Variants in ROR1 observed in about 807,000 individuals in gnomAD.
ROR1 encodes the protein inactive tyrosine-protein kinase transmembrane receptor ROR1.
ROR1 carries 19 observed loss-of-function variants against 78.8 expected under a neutral mutation model. The ratio of observed to expected loss-of-function variants is 0.24; its 90% CI spans 0.17 to 0.35. ROR1 has a LOEUF of 0.35. Among genes scored for constraint, ROR1 ranks in the 10% least tolerant of loss-of-function variants. The probability of loss-of-function intolerance (pLI) is 1.00; values close to 1 mark genes in which losing one functional copy is unlikely to be tolerated. For synonymous variants in ROR1, 386 were observed against 433.6 expected, an observed-to-expected ratio of 0.89 and a Z score of 1.36; for missense variants, 917 against 1,177.8, an observed-to-expected ratio of 0.78 and a Z score of 3.24.
chr1:64,054,489 C>T (rs2100597458), intron 4 of ROR1, among the ~76,000 whole-genome samples: 1 of 152,252 alleles, frequency 6.6e-6, no homozygotes, highest in Non-Finnish European at 1.5e-5. Flanking sequence ...AAACTTCACT[C>T]CCTGGAGCCA....
intron 1 of ROR1, among the ~76,000 whole-genome samples, chr1:63,798,722 C>A (rs1253774447): frequency 7.2e-5 from 11 of 152,214 alleles, no homozygotes; most frequent in Non-Finnish European, 2.9e-5. Flanking sequence ...CAGAGATGAA[C>A]CATTATTCCA....
At chr1:64,127,377 A>G (rs562022621) in intron 4 of ROR1, among the ~76,000 whole-genome samples, 1 of 152,256 alleles carries the variant, frequency 6.6e-6, no homozygotes, top group South Asian at 2.1e-4. Context: ...TTCCTGGTAC[A>G]AGGTAGGCGT....
chr1:63,832,934 C>T (rs1314396469), intron 1 of ROR1, among the ~76,000 whole-genome samples: 3 of 152,198 alleles, frequency 2.0e-5, no homozygotes, highest in South Asian at 4.1e-4. Flanking sequence ...GCCATTACAA[C>T]TTTCTGTCCA....
chr1:63,965,369 G>T (rs1646065415), intron 1 of ROR1, among the ~76,000 whole-genome samples: 1 of 152,170 alleles, frequency 6.6e-6, no homozygotes, highest in Non-Finnish European at 1.5e-5. Context: ...GGCAAAAGTT[G>T]CCAGTACTAA....
intron 2 of ROR1, among the ~76,000 whole-genome samples, chr1:64,025,390 G>T (rs952150249): frequency 6.6e-6 from 1 of 152,140 alleles, no homozygotes; most frequent in East Asian, 1.9e-4. Context: ...GGAAAAAACA[G>T]CATGGAGATT....
At chr1:63,861,807 A>C (rs1645183899) in intron 1 of ROR1, among the ~76,000 whole-genome samples, 1 of 152,202 alleles carries the variant, frequency 6.6e-6, no homozygotes, top group Non-Finnish European at 1.5e-5. Flanking sequence ...GGAAGTCTTG[A>C]AAGATAAATG....
intron 1 of ROR1, among the ~76,000 whole-genome samples, chr1:63,941,423 G>T (rs148318809): frequency 2.6e-5 from 4 of 152,118 alleles, no homozygotes; most frequent in African/African-American, 9.7e-5. Context: ...TTACTCTGGC[G>T]TTGTCTGGAT....
intron 1 of ROR1, among the ~76,000 whole-genome samples, chr1:63,847,663 A>G (rs1338309399): frequency 6.6e-6 from 1 of 152,220 alleles, no homozygotes; most frequent in Non-Finnish European, 1.5e-5. Context: ...ACACTTTAGC[A>G]ACTTGATAAT....
chr1:64,066,083 A>G (rs1646953441), intron 4 of ROR1, among the ~76,000 whole-genome samples: 1 of 152,136 alleles, frequency 6.6e-6, no homozygotes, highest in Admixed American at 6.5e-5. Flanking sequence ...ACAAATGTCT[A>G]TTACTTCAGT....
chr1:63,833,595 G>C (rs914984543), intron 1 of ROR1, among the ~76,000 whole-genome samples: 1 of 152,116 alleles, frequency 6.6e-6, no homozygotes, highest in African/African-American at 2.4e-5. Flanking sequence ...CTGATTGGCT[G>C]CTCTGGGAGG....
intron 1 of ROR1, among the ~76,000 whole-genome samples, chr1:63,978,524 T>C (rs949952442): frequency 4.6e-5 from 7 of 152,224 alleles, no homozygotes; most frequent in African/African-American, 1.7e-4. Flanking sequence ...AATTCCCAAA[T>C]ATAGTGGGCA....
At chr1:63,963,597 A>C (rs904772013) in intron 1 of ROR1, among the ~76,000 whole-genome samples, 4 of 151,464 alleles carry the variant, frequency 2.6e-5, no homozygotes, top group African/African-American at 9.7e-5. Flanking sequence ...AAAAAAAAAA[A>C]CAAAACAAAA....
At chr1:64,139,292 C>A (rs968041778) in intron 5 of ROR1, among the ~76,000 whole-genome samples, 2 of 147,884 alleles carry the variant, frequency 1.4e-5, no homozygotes, top group Admixed American at 6.7e-5. Context: ...TTTTTAAATT[C>A]ATTTACCTTT....
At chr1:64,156,423 G>A (rs552024804) in intron 7 of ROR1, among the ~76,000 whole-genome samples, 1 of 152,256 alleles carries the variant, frequency 6.6e-6, no homozygotes, top group African/African-American at 2.4e-5. Flanking sequence ...ATATTTACCT[G>A]TAACAGTGTA....
chr1:63,866,059 A>G (rs1645213677), intron 1 of ROR1, among the ~76,000 whole-genome samples: 1 of 152,166 alleles, frequency 6.6e-6, no homozygotes, highest in Admixed American at 6.5e-5. Flanking sequence ...AGAGAGGGGC[A>G]GAGAGGTTAC....
rs760355948 is a variant in ROR1, at chr1:64,178,769, T to C, written c.2728T>C (p.Tyr910His). The change falls in exon 9 of 9, where the codon TAC (tyrosine) becomes CAC (histidine). Residue 910 changes from tyrosine (Y) to histidine (H), a missense_variant. Physicochemically the swap from Tyr to His is moderately conservative, Grantham distance 83 (BLOSUM62 2). Coordinates refer to ENST00000371079, the MANE Select transcript of ROR1 (RefSeq NM_005012.4). The surrounding 1 kb of genome is among the most constrained non-coding windows in gnomAD (Gnocchi z 4.3). The stretch of plus-strand genomic sequence containing the variant: ...TTTTGGCAACAAATCTCAAAAACCC[T>C]ACAAAATTGACTCAAAGCAAGCATC... ...TVFGNKSQKPYKIDSKQASLL... is the reference protein window; with the variant it reads ...TVFGNKSQKPHKIDSKQASLL... The C allele has an allele frequency of 6.2e-7, 1 of 1,614,114 alleles. No individual in the cohort carries two copies. The highest frequency in any genetic ancestry group is 8.5e-7 in the Non-Finnish European group (1 of 1,180,016).
intron 1 of ROR1, among the ~76,000 whole-genome samples, chr1:63,941,224 T>C (rs116668974): frequency 1.9e-3 from 282 of 152,308 alleles, no homozygotes; most frequent in African/African-American, 6.6e-3. Context: ...GGATTAGATA[T>C]ATATAAATAT....
intron 4 of ROR1, among the ~76,000 whole-genome samples, chr1:64,086,269 A>G (rs1317221464): frequency 6.6e-6 from 1 of 152,246 alleles, no homozygotes; most frequent in Admixed American, 6.5e-5. Context: ...AGAAGTTAAG[A>G]AAGTTATCTA....
rs190863767 is a variant in ROR1, at chr1:64,063,910, C to G, written c.482+13194C>G. Among the ~76,000 whole-genome samples, 50 of 152,138 alleles carry G rather than the reference C, an allele frequency of 3.3e-4. 1 individual carries two copies. Among genetic ancestry groups the G allele is most frequent in the African/African-American group, 1.1e-3 (45 of 41,546 alleles). ...AACCAGATAGGACCCTCTCCCATCC[C>G]CCTTCTCACCTGAAAGGAACTTGCA... On this transcript the variant is annotated intron_variant, in intron 4 of 8. Coordinates refer to ENST00000371079, the MANE Select transcript of ROR1 (RefSeq NM_005012.4).
Sources: gnomAD v4.1 joint callset for allele counts (sites outside exome capture counted in the v4.1 genomes callset) on GRCh38, gnomAD v4.1.1 for gene constraint, Gnocchi (gnomAD v3.1) non-coding constraint, MANE v1.5 for transcripts, NCBI Gene and HGNC (gene_info 2026-07-23, HGNC 2026-07-21) for gene names.